MYCBP2: variants seen among roughly 807,000 people sequenced by gnomAD.
The protein encoded by MYCBP2 is E3 ubiquitin-protein ligase MYCBP2.
MYCBP2 carries 120 observed loss-of-function variants against 525.3 expected under a neutral mutation model. The observed-to-expected ratio is 0.23, with a 90% CI of 0.20 to 0.27. The LOEUF is 0.27. MYCBP2 is among the 10% of genes least tolerant of loss of function. The pLI, the probability that MYCBP2 is intolerant of heterozygous loss-of-function variation, is 1.00. For missense variants in MYCBP2, 4,149 were observed against 5,657.1 expected (o/e 0.73, Z 8.55); for synonymous variants, 1,894 against 1,955.8 (o/e 0.97, Z 0.83).
intron 2 of MYCBP2, among the ~76,000 whole-genome samples, chr13:77,294,505 A>C (rs1243449817): frequency 6.6e-6 from 1 of 152,130 alleles, no homozygotes; most frequent in Non-Finnish European, 1.5e-5. Flanking sequence ...TAAGGGCACA[A>C]AGCTAGTTGG....
In MYCBP2 at chr13:77,185,240, G is replaced by A. The variant is rs1437004015; in HGVS notation, c.4582C>T (p.Leu1528Phe). The A allele has an allele frequency of 5.0e-6, 8 of 1,614,126 alleles. No individual in the cohort carries two copies. Among genetic ancestry groups the A allele is most frequent in the Non-Finnish European group, 6.8e-6 (8 of 1,180,002 alleles). Residue 1528 changes from leucine to phenylalanine, a missense_variant, in exon 32 of 83, where the codon CTC becomes TTC. Physicochemically the swap from Leu to Phe is conservative, Grantham distance 22. This residue lies in a region of MYCBP2 where 292 missense variants were observed against 330.5 expected (regional missense o/e 0.88). Coordinates refer to ENST00000544440, the MANE Select transcript of MYCBP2 (RefSeq NM_015057.5). ...VKLDNDPQGYLSQPLSLLEAV... is the reference protein window; with the variant it reads ...VKLDNDPQGYFSQPLSLLEAV... ...TCTAGAAGACTCAAGGGTTGACTGA[G>A]ATATCCTTGAGGATCATTATCCAAT...
intron 33 of MYCBP2, 75 bp from the exon 34 acceptor site, chr13:77,180,393 T>C: frequency 7.9e-7 from 1 of 1,263,342 alleles, no homozygotes; most frequent in Non-Finnish European, 1.1e-6. Context: ...GAAAACCTTG[T>C]CTTTCTGATA....
intron 8 of MYCBP2, among the ~76,000 whole-genome samples, chr13:77,265,480 G>T (rs2154340837): frequency 6.6e-6 from 1 of 152,148 alleles, no homozygotes; most frequent in South Asian, 2.1e-4. Context: ...GAGGTTTAAA[G>T]AATAAAATGA....
chr13:77,052,225 C>T (rs575940763), intron 80 of MYCBP2, among the ~76,000 whole-genome samples: 3 of 152,072 alleles, frequency 2.0e-5, no homozygotes, highest in Admixed American at 2.0e-4. Flanking sequence ...TTGAGACGGG[C>T]TCTCACTCTG....
chr13:77,106,641 C>T (rs1264012300), intron 55 of MYCBP2, among the ~76,000 whole-genome samples: 2 of 152,140 alleles, frequency 1.3e-5, no homozygotes, highest in African/African-American at 2.4e-5. Flanking sequence ...AGTTCTCAAT[C>T]TTGAGGAGGT....
At chr13:77,193,907 A>G (rs905695396) in intron 27 of MYCBP2, among the ~76,000 whole-genome samples, 12 of 152,180 alleles carry the variant, frequency 7.9e-5, no homozygotes, top group Non-Finnish European at 2.9e-5. Flanking sequence ...AAATATATGC[A>G]TATTTCCATT....
chr13:77,077,842 AAT>A (rs1475319003), intron 66 of MYCBP2: 6 of 153,572 alleles, frequency 3.9e-5, no homozygotes, highest in Non-Finnish European at 7.2e-5. Context: ...GCAGTTACTT[AAT>A]ATGTTTTACT....
At chr13:77,308,247 T>G (rs1488132132) in intron 1 of MYCBP2, among the ~76,000 whole-genome samples, 1 of 152,168 alleles carries the variant, frequency 6.6e-6, no homozygotes, top group East Asian at 1.9e-4. Context: ...CCATTACAAA[T>G]GTACTCCCTT....
intron 58 of MYCBP2, among the ~76,000 whole-genome samples, chr13:77,093,869 G>T (rs2154123255): frequency 6.6e-6 from 1 of 152,028 alleles, no homozygotes; most frequent in Middle Eastern, 3.4e-3. Context: ...TGTGGTTCAG[G>T]GTGGAAGGGG....
At chr13:77,303,204 G>A (rs1335959191) in intron 1 of MYCBP2, among the ~76,000 whole-genome samples, 1 of 152,156 alleles carries the variant, frequency 6.6e-6, no homozygotes, top group African/African-American at 2.4e-5. Flanking sequence ...GTGGTGGCAC[G>A]CACCTGTAAT....
chr13:77,157,773 C>T (rs556501127), intron 45 of MYCBP2, among the ~76,000 whole-genome samples, 164 bp downstream of exon 45: 15 of 152,102 alleles, frequency 9.9e-5, no homozygotes, highest in African/African-American at 2.9e-4. Context: ...AACAAACAAC[C>T]GCCAAACAAA....
intron 82 of MYCBP2, among the ~76,000 whole-genome samples, chr13:77,045,860 T>C (rs1200708496): frequency 6.6e-6 from 1 of 152,194 alleles, no homozygotes; most frequent in Admixed American, 6.5e-5. Context: ...CAGAACATTA[T>C]TTTTCTGAAT....
intron 1 of MYCBP2, among the ~76,000 whole-genome samples, chr13:77,305,056 T>G (rs750596459): frequency 6.6e-6 from 1 of 152,114 alleles, no homozygotes; most frequent in Non-Finnish European, 1.5e-5. Context: ...ATGGCTTTGT[T>G]GGTGAATTCT....
At chr13:77,062,858 C>T (rs989302248) in intron 73 of MYCBP2, among the ~76,000 whole-genome samples, 161 bp from the exon 74 acceptor site, 2 of 152,202 alleles carry the variant, frequency 1.3e-5, no homozygotes, top group Admixed American at 6.5e-5. Flanking sequence ...CAGGCATACA[C>T]GATCACTGTC....
chr13:77,309,406 C>G (rs1567222314), intron 1 of MYCBP2, among the ~76,000 whole-genome samples: 2 of 152,150 alleles, frequency 1.3e-5, no homozygotes, highest in Non-Finnish European at 2.9e-5. Flanking sequence ...GTAGACTTTT[C>G]AAAATACAGG....
intron 65 of MYCBP2, among the ~76,000 whole-genome samples, chr13:77,079,127 G>T (rs2042852604): frequency 6.6e-6 from 1 of 152,022 alleles, no homozygotes; most frequent in East Asian, 1.9e-4. Context: ...CTCACAGCTT[G>T]ACATTCCCTC....
At chr13:77,125,230 A>T in intron 54 of MYCBP2, 106 bp downstream of exon 54, 1 of 1,406,992 alleles carries the variant, frequency 7.1e-7, no homozygotes, top group Non-Finnish European at 9.6e-7. Context: ...GCTTGTTAAA[A>T]AGCAAACACA....
chr13:77,194,741 GTAGAATTCTTAAAAAAACAAA>G (rs2061594496), intron 26 of MYCBP2, among the ~76,000 whole-genome samples: 1 of 151,948 alleles, frequency 6.6e-6, no homozygotes, highest in African/African-American at 2.4e-5. Context: ...AGTGAATACT[GTAGAATTCTTAAAAAAACAAA>G]CAATAAAAAA....
intron 18 of MYCBP2, among the ~76,000 whole-genome samples, chr13:77,229,064 T>C (rs973058547): frequency 2.0e-5 from 3 of 152,126 alleles, no homozygotes; most frequent in African/African-American, 7.2e-5. Context: ...CTGTAAACAA[T>C]TAAATACCAC....
Sources: gnomAD v4.1 joint callset for allele counts (sites outside exome capture counted in the v4.1 genomes callset) on GRCh38, gnomAD v4.1.1 for gene constraint, gnomAD v4.1.1 regional missense constraint, MANE v1.5 for transcripts, NCBI Gene and HGNC (gene_info 2026-07-23, HGNC 2026-07-21) for gene names.